Variants in PRKCZ observed in about 807,000 individuals in gnomAD.
PRKCZ encodes the protein protein kinase C zeta type.
A neutral mutation model predicts 79.5 loss-of-function variants in PRKCZ; 33 were observed. The observed-to-expected ratio is 0.41, with a 90% CI of 0.31 to 0.55. The LOEUF is 0.55. PRKCZ is among the 20% of genes least tolerant of loss of function. The pLI, the probability that PRKCZ is intolerant of heterozygous loss-of-function variation, is 0.19. For synonymous variants in PRKCZ, 342 were observed against 320.9 expected (o/e 1.07, Z -0.70); for missense variants, 578 against 813.5 (o/e 0.71, Z 3.52).
At chr1:2,073,799 T>A (rs2102318998) in intron 4 of PRKCZ, 1 of 1,028,770 alleles carries the variant, frequency 9.7e-7, no homozygotes, top group African/African-American at 1.7e-5. Flanking sequence ...CGAGCCTCCC[T>A]GCCTATTGTC....
At chr1:2,055,876 G>T in intron 2 of PRKCZ, 1 of 281,608 alleles carries the variant, frequency 3.6e-6, no homozygotes, top group African/African-American at 2.2e-5. Flanking sequence ...GGCCTTTTTC[G>T]GTAGGTGCTT....
chr1:2,105,964 C>T (rs1668332380), intron 4 of PRKCZ, among the ~76,000 whole-genome samples: 1 of 152,208 alleles, frequency 6.6e-6, no homozygotes, highest in African/African-American at 2.4e-5. Context: ...AGTGGCACCC[C>T]CTGAGGATGA....
intron 4 of PRKCZ, among the ~76,000 whole-genome samples, chr1:2,086,767 C>T (rs1664603878): frequency 6.6e-6 from 1 of 152,224 alleles, no homozygotes; most frequent in African/African-American, 2.4e-5. Flanking sequence ...TTCTCTTCTC[C>T]ACTTCTGAGT....
intron 1 of PRKCZ, among the ~76,000 whole-genome samples, chr1:2,051,187 G>T (rs968493442): frequency 1.3e-5 from 2 of 152,152 alleles, no homozygotes; most frequent in Non-Finnish European, 2.9e-5. Flanking sequence ...GGCTCGGGGC[G>T]GTCGGGCGGG....
At position 2,184,549 on chromosome 1, in the gene PRKCZ, G is replaced by A. The variant is rs373358003; in HGVS notation, c.1576-34G>A. 194 of 1,553,474 alleles carry A rather than the reference G, an allele frequency of 1.2e-4. No individual in the cohort carries two copies. The African/African-American group carries it at 1.6e-3, about 13-fold the overall frequency. The stretch of plus-strand genomic sequence containing the variant: ...TCAATCTGGTAGGGATGATGCCCGC[G>A]CGGAGCTGACCCTTCTCCTATTGTT... On this transcript the variant is annotated intron_variant, in intron 16 of 17. Coordinates refer to ENST00000378567, the MANE Select transcript of PRKCZ (RefSeq NM_002744.6).
intron 10 of PRKCZ, among the ~76,000 whole-genome samples, chr1:2,163,141 G>T (rs1363489602): frequency 6.6e-6 from 1 of 152,238 alleles, no homozygotes; most frequent in Non-Finnish European, 1.5e-5. Flanking sequence ...GGACGGCCCT[G>T]TCCTATTCCT....
At chr1:2,129,649 G>A (rs1022910650) in intron 4 of PRKCZ, among the ~76,000 whole-genome samples, 4 of 152,170 alleles carry the variant, frequency 2.6e-5, no homozygotes, top group African/African-American at 7.2e-5. Context: ...GGCAGGGGGG[G>A]TCTCTGGGAA....
chr1:2,184,796 C>A, intron 17 of PRKCZ, 98 bp downstream of exon 17: 2 of 1,391,480 alleles, frequency 1.4e-6, no homozygotes, highest in East Asian at 2.5e-5. Flanking sequence ...GCCCTTGAGT[C>A]CCACCCGCCT....
chr1:2,160,238 C>CGTGCGTGT (rs1553169583), intron 10 of PRKCZ, among the ~76,000 whole-genome samples: 1 of 146,374 alleles, frequency 6.8e-6, no homozygotes, highest in African/African-American at 2.6e-5. Context: ...CAGCAGTGTG[C>CGTGCGTGT]GTGTGTGTGT....
At chr1:2,083,043 A>G (rs1663858540) in intron 4 of PRKCZ, among the ~76,000 whole-genome samples, 1 of 152,170 alleles carries the variant, frequency 6.6e-6, no homozygotes, top group East Asian at 1.9e-4. Context: ...AGGAAGTTAC[A>G]TTTAGGGCGG....
chr1:2,113,315 G>T (rs769787029), intron 4 of PRKCZ, among the ~76,000 whole-genome samples: 1 of 152,218 alleles, frequency 6.6e-6, no homozygotes, highest in Admixed American at 6.5e-5. Flanking sequence ...TGACTGTGAC[G>T]TTCTCTTCGG....
chr1:2,107,849 GGGCAGTGTCGAGGGAGCCCCCAACACCCC>G (rs934114315), intron 4 of PRKCZ, among the ~76,000 whole-genome samples: 3 of 150,344 alleles, frequency 2.0e-5, no homozygotes, highest in African/African-American at 7.4e-5. Flanking sequence ...ATTCCCCCCA[GGGCAGTGTCGAGGGAGCCCCCAACACCCC>G]GGCAGTGTCC....
intron 5 of PRKCZ, among the ~76,000 whole-genome samples, chr1:2,135,551 C>T (rs55958603): frequency 0.013 from 1,922 of 152,370 alleles, 21 homozygotes; most frequent in Non-Finnish European, 0.019. Context: ...CCGGGCCTTT[C>T]CCTGCGTGGT....
Position 2,173,837 on chromosome 1 carries a change from G to T in PRKCZ, c.1286-60G>T, listed in dbSNP as rs1008519291. 3.3e-6 allele frequency: 5 copies of T among 1,516,442 alleles called. No individual in the cohort carries two copies. In the Admixed American group the frequency reaches 1.0e-4, roughly 31 times the overall value. 93.9% of individuals were successfully genotyped at this position (1,516,442 alleles called of 1,614,324 possible). The stretch of plus-strand genomic sequence containing the variant: ...GGGCATGAAAACCAACGCCAGCCAG[G>T]TTCGTCCTGCTGCCGGCCCATGTGG... On this transcript the variant is annotated intron_variant, in intron 13 of 17. Coordinates refer to ENST00000378567, the MANE Select transcript of PRKCZ (RefSeq NM_002744.6). The surrounding 1 kb of genome is among the most constrained non-coding windows in gnomAD (Gnocchi z 5.7).
intron 4 of PRKCZ, among the ~76,000 whole-genome samples, chr1:2,067,702 A>T (rs1253875598): frequency 6.6e-6 from 1 of 152,020 alleles, no homozygotes; most frequent in Admixed American, 6.5e-5. Flanking sequence ...CTCCATCTTC[A>T]CTGTCCGTTC....
chr1:2,175,465 C>G (rs1411669896), intron 16 of PRKCZ, 152 bp downstream of exon 16: 2 of 630,864 alleles, frequency 3.2e-6, no homozygotes, highest in Non-Finnish European at 5.3e-6. Context: ...ATTCATCCAA[C>G]CCTCACCCCA....
At chr1:2,150,712 C>T (rs937544588) in intron 8 of PRKCZ, 78 bp from the exon 9 acceptor site, 13 of 1,422,906 alleles carry the variant, frequency 9.1e-6, no homozygotes, top group Middle Eastern at 2.2e-4. Flanking sequence ...CTGTTGGGAC[C>T]GCATGAGTGA....
At chr1:2,050,218 C>CGCCCCGCCAAACAGGTA (rs1481529726), upstream of PRKCZ, 11 of 152,206 alleles carry the variant, frequency 7.2e-5, no homozygotes, top group African/African-American at 2.4e-4. Context: ...AGGTGCGCCG[C>CGCCCCGCCAAACAGGTA]GCCCCGCCCA....
At chr1:2,153,844 G>A (rs952309132) in intron 9 of PRKCZ, among the ~76,000 whole-genome samples, 2 of 152,208 alleles carry the variant, frequency 1.3e-5, no homozygotes, top group African/African-American at 4.8e-5. Flanking sequence ...GAGCCTGATT[G>A]CAGGAGTTGT....
Sources: allele counts gnomAD v4.1 joint callset (sites outside exome capture counted in the v4.1 genomes callset), GRCh38; gene constraint gnomAD v4.1.1; non-coding constraint Gnocchi (gnomAD v3.1); transcripts MANE v1.5; gene names NCBI Gene and HGNC (gene_info 2026-07-23, HGNC 2026-07-21).